ZBTB20: variants seen among roughly 807,000 people sequenced by gnomAD.
The protein encoded by ZBTB20 is zinc finger and BTB domain-containing protein 20.
ZBTB20 carries 9 observed loss-of-function variants against 56.9 expected under a neutral mutation model. That is an observed-to-expected ratio of 0.16 (90% CI 0.10 to 0.28). The LOEUF (loss-of-function observed/expected upper bound fraction) is 0.28. Ranked by LOEUF, ZBTB20 falls within the 10% of genes least tolerant of loss-of-function variation. The probability of loss-of-function intolerance (pLI) is 1.00; values close to 1 mark genes in which losing one functional copy is unlikely to be tolerated. For synonymous variants in ZBTB20, 417 were observed against 420.7 expected (o/e 0.99, Z 0.11); for missense variants, 655 against 1,003.0 (o/e 0.65, Z 4.69).
rs1427354480 is a variant in ZBTB20 at position 114,939,347 on chromosome 3, C to G, written c.-456+35019G>C. Among the ~76,000 whole-genome samples, 2 of 146,246 alleles carry G rather than the reference C, an allele frequency of 1.4e-5. 1 individual carries two copies. Among genetic ancestry groups the G allele is most frequent in the African/African-American group, 5.6e-5 (2 of 35,934 alleles). Reference sequence around the variant, plus strand: ...GATTGATTAAGCAGCTATAGTATGTCTACTTTACCAAAAATGCTGTGGCTA... The same window carrying G: ...GATTGATTAAGCAGCTATAGTATGTGTACTTTACCAAAAATGCTGTGGCTA... On this transcript the variant is annotated intron_variant, in intron 3 of 11. Coordinates refer to ENST00000675478, the MANE Select transcript of ZBTB20 (RefSeq NM_001348800.3).
chr3:114,622,743 T>G (rs2058406097), intron 6 of ZBTB20, among the ~76,000 whole-genome samples: 1 of 152,212 alleles, frequency 6.6e-6, no homozygotes, highest in Non-Finnish European at 1.5e-5. Context: ...AACAGGCACA[T>G]ACAATATACA....
At chr3:114,591,231 T>G (rs1381761293) in intron 6 of ZBTB20, among the ~76,000 whole-genome samples, 4 of 152,234 alleles carry the variant, frequency 2.6e-5, no homozygotes, top group Non-Finnish European at 4.4e-5. Flanking sequence ...AGAACAAGCA[T>G]GAATAAGTAT....
chr3:115,027,978 T>C (rs538622303), intron 2 of ZBTB20, among the ~76,000 whole-genome samples: 109 of 150,954 alleles, frequency 7.2e-4, no homozygotes, highest in African/African-American at 2.6e-3. Context: ...TAAGTATACA[T>C]ACCTTGTAGA....
intron 6 of ZBTB20, among the ~76,000 whole-genome samples, chr3:114,531,110 C>G (rs1270267210): frequency 6.6e-6 from 1 of 152,158 alleles, no homozygotes; most frequent in Non-Finnish European, 1.5e-5. Flanking sequence ...CTATAGTATC[C>G]TGGGCATTTT....
At chr3:114,928,578 C>T (rs576914082) in intron 3 of ZBTB20, among the ~76,000 whole-genome samples, 15 of 152,198 alleles carry the variant, frequency 9.9e-5, no homozygotes, top group Admixed American at 7.9e-4. Flanking sequence ...ATGCCTTTCA[C>T]GCAAGTGCAA....
intron 2 of ZBTB20, among the ~76,000 whole-genome samples, chr3:114,999,433 T>C (rs1282737119): frequency 6.6e-6 from 1 of 151,786 alleles, no homozygotes; most frequent in African/African-American, 2.4e-5. Context: ...ACTCATTACA[T>C]ATAATTTGTG....
intron 6 of ZBTB20, among the ~76,000 whole-genome samples, chr3:114,546,706 C>T (rs983629370): frequency 2.0e-5 from 3 of 152,094 alleles, no homozygotes; most frequent in African/African-American, 7.2e-5. Context: ...ATGCCCTCCA[C>T]TCCCTGAAGA....
chr3:114,794,262 G>A (rs1048406520), intron 5 of ZBTB20, among the ~76,000 whole-genome samples: 1 of 151,868 alleles, frequency 6.6e-6, no homozygotes, highest in African/African-American at 2.4e-5. Context: ...TTAGGTAAAT[G>A]GATTGTAATA....
intron 7 of ZBTB20, among the ~76,000 whole-genome samples, chr3:114,416,205 T>G (rs971659231): frequency 5.9e-5 from 9 of 151,836 alleles, no homozygotes; most frequent in Admixed American, 5.9e-4. Context: ...GAATTTTGCT[T>G]TAGATAATGA....
intron 2 of ZBTB20, among the ~76,000 whole-genome samples, chr3:114,978,979 AT>A (rs35298467): frequency 6.6e-6 from 1 of 151,772 alleles, no homozygotes. Flanking sequence ...AACTGCATAG[AT>A]TTTTTTAGAG....
Position 114,680,104 on chromosome 3 carries a change from C to T in ZBTB20, c.-295+13424G>A, listed in dbSNP as rs1046625535. 3.3e-5 allele frequency among the ~76,000 whole-genome samples: 5 copies of T among 151,938 alleles called. No homozygotes were observed. In the East Asian group the frequency reaches 5.8e-4, roughly 18 times the overall value. On this transcript the variant is annotated intron_variant, in intron 6 of 11. Transcript: ENST00000675478. ...GAACAATGAGAATACATGAACACAG[C>T]GAGGGGAACATTACACACCAGGGCC... is the stretch of plus-strand genomic sequence containing the variant.
chr3:114,401,007 G>C (rs2086770816), intron 7 of ZBTB20, among the ~76,000 whole-genome samples: 1 of 151,172 alleles, frequency 6.6e-6, no homozygotes, highest in Admixed American at 6.6e-5. Context: ...AGCTTCAATT[G>C]TCTTACATAA....
intron 4 of ZBTB20, among the ~76,000 whole-genome samples, chr3:114,803,111 T>A (rs1207024675): frequency 6.6e-6 from 1 of 151,424 alleles, no homozygotes; most frequent in Admixed American, 6.6e-5. Context: ...CACTTTCACT[T>A]TCTTTCTTAT....
intron 7 of ZBTB20, among the ~76,000 whole-genome samples, chr3:114,447,047 T>C (rs2109002285): frequency 6.6e-6 from 1 of 152,158 alleles, no homozygotes; most frequent in East Asian, 1.9e-4. Context: ...CTGAAAACAA[T>C]GTAACACTGA....
At chr3:114,807,567 A>G (rs1444242269) in intron 4 of ZBTB20, among the ~76,000 whole-genome samples, 1 of 151,682 alleles carries the variant, frequency 6.6e-6, no homozygotes, top group Non-Finnish European at 1.5e-5. Flanking sequence ...AGAACTGACA[A>G]CCTTGCCTCT....
intron 4 of ZBTB20, among the ~76,000 whole-genome samples, chr3:114,817,859 C>T (rs143341620): frequency 0.012 from 1,758 of 152,108 alleles, 16 homozygotes; most frequent in South Asian, 0.042. Context: ...ACAAATGATA[C>T]CATTACATGG....
chr3:114,464,712 A>G (rs543043777), intron 7 of ZBTB20, among the ~76,000 whole-genome samples: 2 of 152,270 alleles, frequency 1.3e-5, no homozygotes, highest in South Asian at 4.1e-4. Context: ...GAGTCAGAGA[A>G]TGTAGTGGAT....
chr3:114,937,517 G>C (rs538940988), intron 3 of ZBTB20, among the ~76,000 whole-genome samples: 1 of 151,778 alleles, frequency 6.6e-6, no homozygotes, highest in East Asian at 2.0e-4. Context: ...CGGCTCCCGC[G>C]TTCAAGTGAT....
At chr3:114,881,948 C>A (rs1053376425) in intron 4 of ZBTB20, among the ~76,000 whole-genome samples, 2 of 151,690 alleles carry the variant, frequency 1.3e-5, no homozygotes, top group African/African-American at 4.8e-5. Context: ...AAGAAGTTTT[C>A]TAAGCCATAA....
Sources: gnomAD v4.1 joint callset for allele counts (sites outside exome capture counted in the v4.1 genomes callset) on GRCh38, gnomAD v4.1.1 for gene constraint, MANE v1.5 for transcripts, NCBI Gene and HGNC (gene_info 2026-07-23, HGNC 2026-07-21) for gene names.